Variants in BIRC6 observed in about 807,000 individuals in gnomAD.
The protein encoded by BIRC6 is dual E2 ubiquitin-conjugating enzyme/E3 ubiquitin-protein ligase BIRC6.
A neutral mutation model predicts 503.3 loss-of-function variants in BIRC6; 98 were observed. The observed-to-expected ratio is 0.19, with a 90% CI of 0.17 to 0.23. The LOEUF is 0.23. Among genes scored for constraint, BIRC6 ranks in the 10% least tolerant of loss-of-function variants. The pLI is 1.00. For synonymous variants in BIRC6, 2,240 were observed against 2,078.7 expected, an observed-to-expected ratio of 1.08 and a Z score of -2.11; for missense variants, 5,360 against 5,806.0, an observed-to-expected ratio of 0.92 and a Z score of 2.50.
chr2:32,490,516 CAG>C (rs1186911761), intron 43 of BIRC6, among the ~76,000 whole-genome samples: 1 of 152,180 alleles, frequency 6.6e-6, no homozygotes, highest in East Asian at 1.9e-4. Flanking sequence ...GCCTAGGTGA[CAG>C]AGTGAGACTC....
At chr2:32,603,680 C>T (rs370622209) in intron 71 of BIRC6, among the ~76,000 whole-genome samples, 16 of 151,944 alleles carry the variant, frequency 1.1e-4, no homozygotes, top group East Asian at 7.7e-4. Flanking sequence ...GCCGAGATCA[C>T]GGCACTACAC....
At chr2:32,411,421 TA>T (rs1558651409) in intron 9 of BIRC6, among the ~76,000 whole-genome samples, 29 of 146,710 alleles carry the variant, frequency 2.0e-4, no homozygotes, top group African/African-American at 7.1e-4. Flanking sequence ...ATATATATTT[TA>T]TTTTTTTATT....
chr2:32,361,892 A>G (rs1468885694), intron 1 of BIRC6, among the ~76,000 whole-genome samples: 3 of 152,184 alleles, frequency 2.0e-5, no homozygotes, highest in Non-Finnish European at 4.4e-5. Context: ...GCGCTAAATA[A>G]TATTCCATTG....
intron 28 of BIRC6, 22 bp from the exon 29 acceptor site, chr2:32,468,415 G>T: frequency 6.6e-7 from 1 of 1,513,454 alleles, no homozygotes; most frequent in Non-Finnish European, 8.9e-7. Flanking sequence ...GAATTATTTT[G>T]TTCAATCTTT....
intron 65 of BIRC6, among the ~76,000 whole-genome samples, chr2:32,554,006 A>T (rs2058617683): frequency 6.6e-6 from 1 of 152,110 alleles, no homozygotes; most frequent in Admixed American, 6.5e-5. Context: ...TTTTTTCTCT[A>T]GCCCTTGTAT....
chr2:32,509,098 T>C (rs1455278963), intron 51 of BIRC6, among the ~76,000 whole-genome samples: 1 of 152,006 alleles, frequency 6.6e-6, no homozygotes, highest in Non-Finnish European at 1.5e-5. Flanking sequence ...ATTTCTATTT[T>C]CAAGGTGCTA....
chr2:32,375,059 C>T (rs1446728035), intron 1 of BIRC6, among the ~76,000 whole-genome samples: 2 of 152,094 alleles, frequency 1.3e-5, no homozygotes, highest in South Asian at 4.1e-4. Context: ...CATACATATA[C>T]ACCTTTTGTG....
chr2:32,359,854 C>T (rs1264446941), intron 1 of BIRC6, among the ~76,000 whole-genome samples: 1 of 152,168 alleles, frequency 6.6e-6, no homozygotes, highest in Non-Finnish European at 1.5e-5. Context: ...CAGGCATGAG[C>T]TGTCCCACCT....
intron 66 of BIRC6, among the ~76,000 whole-genome samples, chr2:32,586,167 A>T (rs1261779503): frequency 6.6e-6 from 1 of 152,004 alleles, no homozygotes; most frequent in Non-Finnish European, 1.5e-5. Context: ...CGCTTGTATA[A>T]TGGCTAAATT....
Position 32,599,768 on chromosome 2 carries a change from T to C in BIRC6, c.13860T>C (p.Pro4620=), listed in dbSNP as rs2061930857. Residue 4620 remains proline (P), a synonymous_variant, in exon 70 of 74, where the codon CCT becomes CCC. Transcript: ENST00000421745. ...KVLITGPADT[P]YANGCFEFDV... is the part of the protein sequence containing the mutation. ...TAATAACTGGTCCAGCGGACACCCC[T>C]TATGCAAATGGCTGCTTTGAGTTTG... is the stretch of plus-strand genomic sequence containing the variant. 6.2e-7 allele frequency: 1 copy of C among 1,613,938 alleles called. No individual in the cohort carries two copies. The highest frequency in any genetic ancestry group is 1.1e-5 in the South Asian group (1 of 91,088).
rs757742725 is a variant in BIRC6, at chr2:32,515,676, C to A, written c.11255C>A (p.Thr3752Asn). 3.1e-5 allele frequency: 50 copies of A among 1,607,406 alleles called. No homozygotes were observed. Among genetic ancestry groups the A allele is most frequent in the Non-Finnish European group, 4.2e-5 (49 of 1,179,866 alleles). ...TCTTCAGCTGCTACAACAGGACTGA[C>A]TACTCAACAGCGCACAGCAATTGAG... The part of the protein sequence containing the change: ...SLSSAATTGL[T>N]TQQRTAIENA... The change falls in exon 55 of 74, where the codon ACT becomes AAT. Residue 3752 changes from threonine (T) to asparagine (N), a missense_variant. By Grantham distance (65) the Thr-to-Asn change is moderately conservative. Transcript: ENST00000421745.
intron 10 of BIRC6, among the ~76,000 whole-genome samples, chr2:32,423,084 C>T (rs898829290): frequency 1.3e-5 from 2 of 152,038 alleles, no homozygotes; most frequent in Admixed American, 6.6e-5. Flanking sequence ...GGATTACAGG[C>T]GTCTGGCTAA....
intron 61 of BIRC6, among the ~76,000 whole-genome samples, chr2:32,541,726 A>C (rs1370867215): frequency 1.3e-5 from 2 of 152,182 alleles, no homozygotes; most frequent in East Asian, 3.8e-4. Context: ...TTCTAAATGC[A>C]ATGAGAAGTT....
At chr2:32,543,606 A>C in intron 62 of BIRC6, 65 bp downstream of exon 62, 11 of 1,432,268 alleles carry the variant, frequency 7.7e-6, no homozygotes, top group Non-Finnish European at 1.0e-5. Flanking sequence ...TATCCAGATC[A>C]TTGCCTATTA....
intron 61 of BIRC6, among the ~76,000 whole-genome samples, chr2:32,542,134 T>A (rs1418241236): frequency 6.6e-6 from 1 of 151,436 alleles, no homozygotes. Context: ...ATATATATAT[T>A]TACACATGTA....
chr2:32,405,775 T>C (rs760262798), intron 8 of BIRC6, among the ~76,000 whole-genome samples: 18 of 152,222 alleles, frequency 1.2e-4, no homozygotes, highest in Non-Finnish European at 2.6e-4. Context: ...TTATGTTTGG[T>C]TTTAGGCTGT....
chr2:32,574,884 A>G, intron 65 of BIRC6: 1 of 433,040 alleles, frequency 2.3e-6, no homozygotes, highest in African/African-American at 2.0e-5. Context: ...AGTAGCTGAG[A>G]TTACAGGCAT....
rs1044771422 is a variant in BIRC6 at position 32,599,951 on chromosome 2, G to T, written c.13992+51G>T. On this transcript the variant is annotated intron_variant, in intron 70 of 73. Transcript: ENST00000421745. ...CAAATGCCAATGATTGTATACAAAGGTTCTTTGTAATTTGAAGAAAAATTT... is the reference window on the plus strand; with the variant it reads ...CAAATGCCAATGATTGTATACAAAGTTTCTTTGTAATTTGAAGAAAAATTT... The T allele has an allele frequency of 3.9e-6, 6 of 1,543,668 alleles. No homozygotes were observed. In the African/African-American group the frequency reaches 5.5e-5, roughly 14 times the overall value.
At chr2:32,516,834 C>G (rs1327152547) in intron 55 of BIRC6, among the ~76,000 whole-genome samples, 84 of 152,092 alleles carry the variant, frequency 5.5e-4, no homozygotes, top group Non-Finnish European at 2.9e-4. Context: ...CTAGCAATAC[C>G]TGCCTCAAGG....
Sources: gnomAD v4.1 joint callset for allele counts (sites outside exome capture counted in the v4.1 genomes callset) on GRCh38, gnomAD v4.1.1 for gene constraint, MANE v1.5 for transcripts, NCBI Gene and HGNC (gene_info 2026-07-23, HGNC 2026-07-21) for gene names.